Variants in ZNF549 observed in about 807,000 individuals in gnomAD.
ZNF549 encodes the protein zinc finger protein 549.
ZNF549 carries 11 observed loss-of-function variants against 11.1 expected under a neutral mutation model. The ratio of observed to expected loss-of-function variants is 0.99; its 90% CI spans 0.62 to 1.64. The LOEUF is 1.64. ZNF549 is among the 40% of genes most tolerant of loss of function. ZNF549 has a pLI of 0.00. For synonymous variants in ZNF549, 266 were observed against 269.1 expected (o/e 0.99, Z 0.11); for missense variants, 748 against 765.1 (o/e 0.98, Z 0.26).
rs1256504852 is a variant in ZNF549 at position 57,538,451 on chromosome 19, A to G, written c.1447A>G (p.Ile483Val). The change falls in exon 4 of 4, where the codon ATC (isoleucine) becomes GTC (valine). Residue 483 changes from isoleucine to valine, a missense_variant. By Grantham distance (29) the Ile-to-Val change is conservative. Transcript: ENST00000376233. ...ATGCAGTGACTGTGGGAAAGCCTTC[A>G]TCTCCAAACAAACACTTCTTAAGCA... ...YECSDCGKAF[I>V]SKQTLLKHHK... 6.2e-7 allele frequency: 1 copy of G among 1,614,212 alleles called. No homozygotes were observed. The highest frequency in any genetic ancestry group is 8.5e-7 in the Non-Finnish European group (1 of 1,180,028).
rs2089902187 is a variant in ZNF549, at chr19:57,531,082, A to G, written c.46A>G (p.Thr16Ala). 1 of 1,598,234 alleles carries G rather than the reference A, an allele frequency of 6.3e-7. No individual in the cohort carries two copies. The highest frequency in any genetic ancestry group is 1.3e-5 in the African/African-American group (1 of 74,886). Residue 16 changes from threonine (T) to alanine (A), a missense_variant, in exon 2 of 4, where the codon ACA becomes GCA. By Grantham distance (58) the Thr-to-Ala change is moderately conservative. Transcript: ENST00000376233. ...LVITPQIPMV[T>A]EEFVKPSQGH... ...CCTCTTCCTACAGATTCCCATGGTA[A>G]CAGAAGAGTTTGTGAAACCATCACA...
intron 1 of ZNF549, among the ~76,000 whole-genome samples, chr19:57,528,189 T>C (rs1224794862): frequency 6.6e-6 from 1 of 152,196 alleles, no homozygotes; most frequent in South Asian, 2.1e-4. Flanking sequence ...GATTTTCTGC[T>C]CCATCATTTG....
chr19:57,528,266 A>G (rs150316756), intron 1 of ZNF549, among the ~76,000 whole-genome samples: 2,055 of 152,280 alleles, frequency 0.013, 52 homozygotes, highest in African/African-American at 0.047. Context: ...CATCTGGAAG[A>G]GTTGACAAAG....
Position 57,531,100 on chromosome 19 carries a change from C to T in ZNF549, c.64C>T (p.Pro22Ser). Residue 22 changes from proline to serine, a missense_variant, in exon 2 of 4, where the codon CCA (proline) becomes TCA (serine). Physicochemically the swap from Pro to Ser is moderately conservative, Grantham distance 74. Coordinates refer to ENST00000376233, the MANE Select transcript of ZNF549 (RefSeq NM_001199295.2). Reference protein sequence around the residue: ...IPMVTEEFVKPSQGHVTFEDI... With the variant: ...IPMVTEEFVKSSQGHVTFEDI... ...CATGGTAACAGAAGAGTTTGTGAAA[C>T]CATCACAGGTAAGTGGAAGAAGTCC... 1.9e-6 allele frequency: 3 copies of T among 1,598,382 alleles called. No homozygotes were observed. The highest frequency in any genetic ancestry group is 2.2e-5 in the East Asian group (1 of 44,880).
chr19:57,527,356 G>A lies in ZNF549; in HGVS notation c.-218G>A. 4 of 642,252 alleles carry A rather than the reference G, an allele frequency of 6.2e-6. No individual in the cohort carries two copies. Among genetic ancestry groups the A allele is most frequent in the South Asian group, 3.6e-5 (2 of 55,024 alleles). 39.8% of individuals were successfully genotyped at this position (642,252 alleles called of 1,614,324 possible). A position where few individuals can be genotyped will look rare whatever the true frequency, so the allele number is the denominator to read the frequency against. On this transcript the variant is annotated 5_prime_UTR_variant, in exon 1 of 4. Coordinates refer to ENST00000376233, the MANE Select transcript of ZNF549 (RefSeq NM_001199295.2). ...TTCCGGCGTCTTTCCGGTGGTGGTC[G>A]TTTTTGCTGCCTGCGAGCGCGTCCG...
chr19:57,527,519 C>G lies in ZNF549; in HGVS notation c.-55C>G, dbSNP rs1311160255. 18 of 1,610,702 alleles carry G rather than the reference C, an allele frequency of 1.1e-5. No homozygotes were observed. The highest frequency in any genetic ancestry group is 1.4e-5 in the Non-Finnish European group (16 of 1,179,070). ...CCAGCGATTTGCCACCGCACGCACG[C>G]CGGATCCCGGGCTTTACCGCCCGCC... On this transcript the variant is annotated 5_prime_UTR_variant, in exon 1 of 4. Transcript: ENST00000376233.
At chr19:57,527,993 A>C (rs1255910196) in intron 1 of ZNF549, among the ~76,000 whole-genome samples, 1 of 152,158 alleles carries the variant, frequency 6.6e-6, no homozygotes, top group African/African-American at 2.4e-5. Flanking sequence ...GTCTGAAAAA[A>C]TATTTCAAAG....
In ZNF549 at chr19:57,537,032, G is replaced by A. The variant is rs186888754; in HGVS notation, c.200-172G>A. On this transcript the variant is annotated intron_variant, in intron 3 of 3. Coordinates refer to ENST00000376233, the MANE Select transcript of ZNF549 (RefSeq NM_001199295.2). The stretch of plus-strand genomic sequence containing the variant: ...TGTCACTGGAGCTTGGAAGGTCAAG[G>A]CTGCAGTGAGATATGACTGCAACTG... Among the ~76,000 whole-genome samples the A allele has an allele frequency of 1.9e-4, 29 of 152,254 alleles. No homozygotes were observed. The East Asian group carries it at 2.9e-3, about 15-fold the overall frequency.
intron 2 of ZNF549, 86 bp downstream of exon 2, chr19:57,531,194 C>T (rs1453573701): frequency 2.7e-5 from 39 of 1,437,626 alleles, no homozygotes; most frequent in Non-Finnish European, 3.5e-5. Context: ...CAATAATGTC[C>T]TGGGACTCTT....
intron 1 of ZNF549, among the ~76,000 whole-genome samples, chr19:57,530,494 GGA>G (rs1303200551): frequency 6.6e-6 from 1 of 152,192 alleles, no homozygotes; most frequent in Non-Finnish European, 1.5e-5. Flanking sequence ...TTGAACGTAA[GGA>G]GAGAGGTCAT....
chr19:57,537,389 C>T lies in ZNF549; in HGVS notation c.385C>T (p.Gln129Ter), dbSNP rs774165835. Reference protein sequence around the residue: ...LSEHQGTLPWQKPYTSVASGK... With the variant: ...LSEHQGTLPW ...TGAGCATCAGGGGACACTTCCCTGGCAGAAACCTTATACGTCTGTGGCCAG... is the reference window on the plus strand; with the variant it reads ...TGAGCATCAGGGGACACTTCCCTGGTAGAAACCTTATACGTCTGTGGCCAG... The change falls in exon 4 of 4, where the codon CAG becomes TAG. Residue 129 changes from glutamine to a stop codon, truncating the protein, a stop_gained. Coordinates refer to ENST00000376233, the MANE Select transcript of ZNF549 (RefSeq NM_001199295.2). LOFTEE classifies it low-confidence loss of function (END_TRUNC). 6.2e-7 allele frequency: 1 copy of T among 1,614,190 alleles called. No homozygotes were observed.
intron 1 of ZNF549, among the ~76,000 whole-genome samples, chr19:57,530,517 A>C (rs912176478): frequency 6.6e-6 from 1 of 152,166 alleles, no homozygotes; most frequent in African/African-American, 2.4e-5. Context: ...GGCAGCCCCC[A>C]AATGTGTAGC....
chr19:57,531,056 C>G lies in ZNF549; in HGVS notation c.34-14C>G. 6.3e-7 allele frequency: 1 copy of G among 1,598,204 alleles called. No homozygotes were observed. Among genetic ancestry groups the G allele is most frequent in the Non-Finnish European group, 8.5e-7 (1 of 1,179,678 alleles). The stretch of plus-strand genomic sequence containing the variant: ...CTTGAACACCTGTATTTCATAGCCT[C>G]CCTCTTCCTACAGATTCCCATGGTA... On this transcript the variant is annotated splice_polypyrimidine_tract_variant and intron_variant, in intron 1 of 3. Coordinates refer to ENST00000376233, the MANE Select transcript of ZNF549 (RefSeq NM_001199295.2).
Position 57,527,403 on chromosome 19 carries a change from G to A in ZNF549, c.-171G>A. 1 of 931,496 alleles carries A rather than the reference G, an allele frequency of 1.1e-6. No individual in the cohort carries two copies. Among genetic ancestry groups the A allele is most frequent in the Non-Finnish European group, 1.6e-6 (1 of 611,970 alleles). 57.7% of individuals were successfully genotyped at this position (931,496 alleles called of 1,614,324 possible). Reference sequence around the variant, plus strand: ...TCCGCGGGCTGGGCGTTTCCGGCTCGCTGGGTCCGGGCCAGGTAACTGGAG... The same window carrying A: ...TCCGCGGGCTGGGCGTTTCCGGCTCACTGGGTCCGGGCCAGGTAACTGGAG... On this transcript the variant is annotated 5_prime_UTR_variant, in exon 1 of 4. Transcript: ENST00000376233.
chr19:57,538,117 T>TC lies in ZNF549; in HGVS notation c.1114dup (p.His372ProfsTer4). ...GTATGGAATGTGGGAAATCTTTTATTCATTCCTATGACCGCATTCGACACC... is the reference window on the plus strand; with the variant it reads ...GTATGGAATGTGGGAAATCTTTTATTCCATTCCTATGACCGCATTCGACACC... On this transcript the variant is annotated frameshift_variant, in exon 4 of 4. Transcript: ENST00000376233. LOFTEE classifies it low-confidence loss of function (END_TRUNC). 6.2e-7 allele frequency: 1 copy of TC among 1,614,068 alleles called. No homozygotes were observed. Among genetic ancestry groups the TC allele is most frequent in the Non-Finnish European group, 8.5e-7 (1 of 1,179,990 alleles).
In ZNF549 at chr19:57,531,064, C is replaced by T. The variant is rs373961153; in HGVS notation, c.34-6C>T. ...CCTGTATTTCATAGCCTCCCTCTTC[C>T]TACAGATTCCCATGGTAACAGAAGA... is the stretch of plus-strand genomic sequence containing the variant. On this transcript the variant is annotated splice_region_variant and splice_polypyrimidine_tract_variant and intron_variant, in intron 1 of 3. Coordinates refer to ENST00000376233, the MANE Select transcript of ZNF549 (RefSeq NM_001199295.2). The T allele has an allele frequency of 5.1e-5, 82 of 1,598,300 alleles. No individual in the cohort carries two copies. The African/African-American group carries it at 1.0e-3, about 20-fold the overall frequency.
intron 1 of ZNF549, among the ~76,000 whole-genome samples, chr19:57,530,484 T>C (rs1198735810): frequency 6.6e-6 from 1 of 152,184 alleles, no homozygotes; most frequent in Non-Finnish European, 1.5e-5. Flanking sequence ...TAGCAAATTA[T>C]TGAACGTAAG....
Position 57,537,402 on chromosome 19 carries a change from C to A in ZNF549, c.398C>A (p.Thr133Lys), listed in dbSNP as rs148639985. 6.2e-7 allele frequency: 1 copy of A among 1,614,202 alleles called. No homozygotes were observed. Among genetic ancestry groups the A allele is most frequent in the Non-Finnish European group, 8.5e-7 (1 of 1,180,050 alleles). Reference protein sequence around the residue: ...QGTLPWQKPYTSVASGKWFSF... With the variant: ...QGTLPWQKPYKSVASGKWFSF... ...ACACTTCCCTGGCAGAAACCTTATA[C>A]GTCTGTGGCCAGTGGGAAATGGTTT... The change falls in exon 4 of 4, where the codon ACG (threonine) becomes AAG (lysine). Residue 133 changes from threonine to lysine, a missense_variant. Thr to Lys is a moderately conservative substitution (Grantham distance 78). Coordinates refer to ENST00000376233, the MANE Select transcript of ZNF549 (RefSeq NM_001199295.2).
intron 2 of ZNF549, 54 bp from the exon 3 acceptor site, chr19:57,535,090 T>G (rs1051055551): frequency 2.8e-5 from 45 of 1,598,352 alleles, no homozygotes; most frequent in Non-Finnish European, 3.8e-5. Context: ...CGAGATTTAC[T>G]GGGGTTCCTG....
Sources: gnomAD v4.1 joint callset for allele counts (sites outside exome capture counted in the v4.1 genomes callset) on GRCh38, gnomAD v4.1.1 for gene constraint, MANE v1.5 for transcripts, NCBI Gene and HGNC (gene_info 2026-07-23, HGNC 2026-07-21) for gene names.